The following CTDSPL variants were observed in gnomAD, a reference collection of about 807,000 sequenced individuals.
The protein encoded by CTDSPL is CTD small phosphatase like.
In CTDSPL, 8 loss-of-function variants were observed where a neutral mutation model predicts 30.5. The observed-to-expected ratio is 0.26, with a 90% CI of 0.15 to 0.47. The LOEUF (loss-of-function observed/expected upper bound fraction) is 0.47, where lower values mean the gene tolerates loss of function less well. CTDSPL is among the 20% of genes least tolerant of loss of function. CTDSPL has a pLI of 0.99. For synonymous variants in CTDSPL, 110 were observed against 137.9 expected, an observed-to-expected ratio of 0.80 and a Z score of 1.42; for missense variants, 248 against 366.1, an observed-to-expected ratio of 0.68 and a Z score of 2.63.
chr3:37,979,368 C>T (rs1015919354), intron 7 of CTDSPL, among the ~76,000 whole-genome samples: 3 of 151,846 alleles, frequency 2.0e-5, no homozygotes, highest in Admixed American at 6.6e-5. Context: ...TTTGGGAGGC[C>T]GAGGTGGGTG....
Position 37,941,992 on chromosome 3 carries a change from G to T in CTDSPL, c.80-5065G>T, listed in dbSNP as rs973299051. 2.0e-5 allele frequency among the ~76,000 whole-genome samples: 3 copies of T among 150,220 alleles called. 1 individual carries two copies. ...CCAGAGGGAATTAAGTAAGGGGATT[G>T]GGGAGGGAGAGTGTATGCTTCCTGA... is the stretch of plus-strand genomic sequence containing the variant. On this transcript the variant is annotated intron_variant, in intron 1 of 7. Transcript: ENST00000273179.
intron 1 of CTDSPL, among the ~76,000 whole-genome samples, chr3:37,892,948 C>T (rs116602838): frequency 4.8e-4 from 73 of 152,324 alleles, no homozygotes; most frequent in Non-Finnish European, 9.0e-4. Context: ...GTGAGAGCAG[C>T]GGTGAACATG....
rs1351052319 is a variant in CTDSPL at position 37,982,683 on chromosome 3, A to T, written c.*1816A>T. On this transcript the variant is annotated 3_prime_UTR_variant, in exon 8 of 8. Transcript: ENST00000273179. ...GGTAAACAGGTCTCCCAGCATTCTG[A>T]GTGTTCCAAACCAGTAATCCACATG... 2.2e-6 allele frequency: 1 copy of T among 456,628 alleles called. No individual in the cohort carries two copies. Among genetic ancestry groups the T allele is most frequent in the South Asian group, 1.5e-5 (1 of 64,566 alleles). The allele number at this position is 456,628 out of a possible 1,614,324, so 28.3% of individuals were successfully genotyped here. A position where few individuals can be genotyped will look rare whatever the true frequency, so the allele number is the denominator to read the frequency against.
intron 1 of CTDSPL, among the ~76,000 whole-genome samples, chr3:37,876,430 C>G (rs2125590410): frequency 6.6e-6 from 1 of 152,246 alleles, no homozygotes; most frequent in East Asian, 1.9e-4. Flanking sequence ...TGACTCCCAC[C>G]AGCAATGTAT....
Position 37,862,325 on chromosome 3 carries a change from C to T in CTDSPL, c.79+47C>T, listed in dbSNP as rs777020043. The T allele has an allele frequency of 1.7e-5, 24 of 1,415,828 alleles. No individual in the cohort carries two copies. In the South Asian group the frequency reaches 3.3e-4, roughly 20 times the overall value. The allele number at this position is 1,415,828 out of a possible 1,614,324, so 87.7% of individuals were successfully genotyped here. On this transcript the variant is annotated intron_variant, in intron 1 of 7. Coordinates refer to ENST00000273179, the MANE Select transcript of CTDSPL (RefSeq NM_001008392.2). This position sits in a 1 kb window ranked among gnomAD's most constrained non-coding sequence, Gnocchi z 4.3. ...CGCGGGCTGGGGGCGAGCGCACACC[C>T]CGCGCCGCTGGAGTTCACTGCCGGG... is the stretch of plus-strand genomic sequence containing the variant.
intron 1 of CTDSPL, among the ~76,000 whole-genome samples, chr3:37,917,361 C>G (rs927305559): frequency 6.6e-6 from 1 of 152,170 alleles, no homozygotes; most frequent in African/African-American, 2.4e-5. Context: ...AGCTTTCTTC[C>G]TGGTTTATAT....
At chr3:37,917,337 G>C (rs1698661089) in intron 1 of CTDSPL, among the ~76,000 whole-genome samples, 1 of 152,174 alleles carries the variant, frequency 6.6e-6, no homozygotes, top group Non-Finnish European at 1.5e-5. Flanking sequence ...GAATAATCTT[G>C]CTAATGTAAA....
intron 5 of CTDSPL, among the ~76,000 whole-genome samples, chr3:37,970,904 A>C (rs1699359382): frequency 2.0e-5 from 3 of 152,156 alleles, no homozygotes; most frequent in Admixed American, 2.0e-4. Context: ...CCTGTGCTTC[A>C]ACCCCAGACC....
At chr3:37,974,690 C>A (rs1270441284) in intron 6 of CTDSPL, among the ~76,000 whole-genome samples, 1 of 152,134 alleles carries the variant, frequency 6.6e-6, no homozygotes, top group Non-Finnish European at 1.5e-5. Flanking sequence ...CAGGATGATC[C>A]GCAACTGTGA....
Position 37,981,736 on chromosome 3 carries a change from G to A in CTDSPL, c.*869G>A. On this transcript the variant is annotated 3_prime_UTR_variant, in exon 8 of 8. Coordinates refer to ENST00000273179, the MANE Select transcript of CTDSPL (RefSeq NM_001008392.2). ...TACATTTGTGTTTTTTGTTGTTATT[G>A]TTTGGGTAGAGCAGTTACAAGAAAC... The A allele has an allele frequency of 2.3e-6, 1 of 429,024 alleles. No individual in the cohort carries two copies. The highest frequency in any genetic ancestry group is 1.6e-5 in the South Asian group (1 of 61,288). 26.6% of individuals were successfully genotyped at this position (429,024 alleles called of 1,614,324 possible).
intron 1 of CTDSPL, among the ~76,000 whole-genome samples, chr3:37,921,620 C>T: frequency 6.6e-6 from 1 of 151,760 alleles, no homozygotes; most frequent in East Asian, 1.9e-4. Context: ...CACACACACA[C>T]ACACACACAC....
At chr3:37,948,814 T>TTTTTTTTTTC (rs1553685847) in intron 2 of CTDSPL, among the ~76,000 whole-genome samples, 4,318 of 133,394 alleles carry the variant, frequency 0.032, 232 homozygotes, top group African/African-American at 0.11. Context: ...CTTTCTTTTT[T>TTTTTTTTTTC]TTTTTTTTTT....
In CTDSPL at chr3:37,862,373, G is replaced by T. The variant is rs538523350; in HGVS notation, c.79+95G>T. The T allele has an allele frequency of 2.8e-6, 3 of 1,065,988 alleles. No homozygotes were observed. Among genetic ancestry groups the T allele is most frequent in the Non-Finnish European group, 3.7e-6 (3 of 813,000 alleles). The allele number at this position is 1,065,988 out of a possible 1,614,324, so 66.0% of individuals were successfully genotyped here. On this transcript the variant is annotated intron_variant, in intron 1 of 7. Transcript: ENST00000273179. The surrounding 1 kb of genome is among the most constrained non-coding windows in gnomAD (Gnocchi z 4.3). Reference sequence around the variant, plus strand: ...GGGCGCCGGCATGGGCCTGGGGGAGGGGTGCACAGGGCCCGGAGGGTGCGT... The same window carrying T: ...GGGCGCCGGCATGGGCCTGGGGGAGTGGTGCACAGGGCCCGGAGGGTGCGT...
chr3:37,925,903 A>G (rs1698776098), intron 1 of CTDSPL, among the ~76,000 whole-genome samples: 1 of 152,142 alleles, frequency 6.6e-6, no homozygotes. Context: ...TTGATCCACA[A>G]TACTTAACAC....
At chr3:37,905,594 C>T (rs189837307) in intron 1 of CTDSPL, among the ~76,000 whole-genome samples, 2 of 152,024 alleles carry the variant, frequency 1.3e-5, no homozygotes, top group Non-Finnish European at 2.9e-5. Flanking sequence ...TTCCTTCCCC[C>T]CCTCCCTCCT....
At chr3:37,885,805 A>C (rs908232120) in intron 1 of CTDSPL, among the ~76,000 whole-genome samples, 1 of 152,170 alleles carries the variant, frequency 6.6e-6, no homozygotes, top group Non-Finnish European at 1.5e-5. Flanking sequence ...CTGATCTGCA[A>C]AGGGGTGGAG....
At chr3:37,879,978 C>T (rs1698183570) in intron 1 of CTDSPL, among the ~76,000 whole-genome samples, 1 of 151,442 alleles carries the variant, frequency 6.6e-6, no homozygotes, top group Non-Finnish European at 1.5e-5. Flanking sequence ...TCAGTCATTC[C>T]AAGTGCTTGG....
intron 1 of CTDSPL, among the ~76,000 whole-genome samples, chr3:37,908,857 G>A (rs752258803): frequency 3.3e-5 from 5 of 152,180 alleles, no homozygotes; most frequent in Admixed American, 1.3e-4. Context: ...TTGATTAATA[G>A]TGAGGTTGAA....
rs916713059 is a variant in CTDSPL, at chr3:37,862,333, C to G, written c.79+55C>G. Reference sequence around the variant, plus strand: ...GGGGGCGAGCGCACACCCCGCGCCGCTGGAGTTCACTGCCGGGCGCCGGCA... The same window carrying G: ...GGGGGCGAGCGCACACCCCGCGCCGGTGGAGTTCACTGCCGGGCGCCGGCA... On this transcript the variant is annotated intron_variant, in intron 1 of 7. Coordinates refer to ENST00000273179, the MANE Select transcript of CTDSPL (RefSeq NM_001008392.2). The surrounding 1 kb of genome is among the most constrained non-coding windows in gnomAD (Gnocchi z 4.3). 93 of 1,385,408 alleles carry G rather than the reference C, an allele frequency of 6.7e-5. No homozygotes were observed. The highest frequency in any genetic ancestry group is 8.4e-5 in the Non-Finnish European group (89 of 1,064,702). 85.8% of individuals were successfully genotyped at this position (1,385,408 alleles called of 1,614,324 possible).
Sources: allele counts gnomAD v4.1 joint callset (sites outside exome capture counted in the v4.1 genomes callset), GRCh38; gene constraint gnomAD v4.1.1; non-coding constraint Gnocchi (gnomAD v3.1); transcripts MANE v1.5; gene names NCBI Gene and HGNC (gene_info 2026-07-23, HGNC 2026-07-21).